The following VPS13A variants were observed in gnomAD, a reference collection of about 807,000 sequenced individuals.
The protein encoded by VPS13A is vacuolar protein sorting 13 homolog A, also known as intermembrane lipid transfer protein VPS13A.
VPS13A carries 264 observed loss-of-function variants against 390.9 expected under a neutral mutation model. The observed-to-expected ratio is 0.68, with a 90% CI of 0.61 to 0.75. The LOEUF is 0.75. VPS13A is among the 30% of genes least tolerant of loss of function. The pLI is 0.00. For synonymous variants in VPS13A, 1,231 were observed against 1,227.1 expected (o/e 1.00, Z -0.07); for missense variants, 3,409 against 3,733.9 (o/e 0.91, Z 2.27).
chr9:77,302,619 C>T (rs1021958828), intron 33 of VPS13A, among the ~76,000 whole-genome samples: 3 of 151,900 alleles, frequency 2.0e-5, no homozygotes, highest in African/African-American at 4.8e-5. Context: ...GTGATCTGCC[C>T]GCCTCAGCCT....
At chr9:77,362,055 GA>G (rs1832173261) in intron 59 of VPS13A, among the ~76,000 whole-genome samples, 1 of 152,046 alleles carries the variant, frequency 6.6e-6, no homozygotes, top group East Asian at 1.9e-4. Context: ...GCATATTCTC[GA>G]TACAGGTCTC....
rs1369682259 is a variant in VPS13A at position 77,282,168 on chromosome 9, G to A, written c.3012G>A (p.Leu1004=). The A allele has an allele frequency of 6.2e-7, 1 of 1,613,400 alleles. No homozygotes were observed. The highest frequency in any genetic ancestry group is 8.5e-7 in the Non-Finnish European group (1 of 1,179,646). The change falls in exon 29 of 72, where the codon CTG becomes CTA. Residue 1004 remains leucine (L), a synonymous_variant. Coordinates refer to ENST00000360280, the MANE Select transcript of VPS13A (RefSeq NM_033305.3). ...TTCATTTACACACTGAAGCACTTCT[G>A]AATACAATAAATTATCTTCATAATA... ...LDIHLHTEAL[L]NTINYLHNIL...
At chr9:77,212,780 G>T (rs1457719431) in intron 7 of VPS13A, among the ~76,000 whole-genome samples, 189 bp from the exon 8 acceptor site, 1 of 152,098 alleles carries the variant, frequency 6.6e-6, no homozygotes, top group African/African-American at 2.4e-5. Context: ...TTTCTGACCC[G>T]CAATGAGCTC....
rs1826057136 is a variant in VPS13A at position 77,213,040 on chromosome 9, C to A, written c.615+12C>A. On this transcript the variant is annotated intron_variant, in intron 8 of 71. Transcript: ENST00000360280. Reference sequence around the variant, plus strand: ...AACTGGTTCGTAAGGTAAATAAATACTGTGTTTGTCAACTCATGGACTTAA... The same window carrying A: ...AACTGGTTCGTAAGGTAAATAAATAATGTGTTTGTCAACTCATGGACTTAA... 1 of 1,613,382 alleles carries A rather than the reference C, an allele frequency of 6.2e-7. No individual in the cohort carries two copies. The highest frequency in any genetic ancestry group is 1.3e-5 in the African/African-American group (1 of 74,858).
At chr9:77,202,498 CATA>C (rs1304522571) in intron 3 of VPS13A, among the ~76,000 whole-genome samples, 1 of 151,904 alleles carries the variant, frequency 6.6e-6, no homozygotes, top group Non-Finnish European at 1.5e-5. Context: ...TATTCTGTAC[CATA>C]ATAATCCAGT....
chr9:77,260,577 G>A (rs1269462788), intron 23 of VPS13A, among the ~76,000 whole-genome samples: 1 of 151,632 alleles, frequency 6.6e-6, no homozygotes, highest in Non-Finnish European at 1.5e-5. Context: ...GGATGGTCTC[G>A]GTCTCCTGGT....
At chr9:77,203,570 G>A (rs1292530920) in intron 3 of VPS13A, among the ~76,000 whole-genome samples, 1 of 152,160 alleles carries the variant, frequency 6.6e-6, no homozygotes, top group African/African-American at 2.4e-5. Context: ...TTACAGATGT[G>A]AGCCACTGCG....
intron 32 of VPS13A, among the ~76,000 whole-genome samples, chr9:77,294,122 TGTTGCCCAGTCTG>T (rs1340615208): frequency 6.6e-6 from 1 of 152,098 alleles, no homozygotes; most frequent in East Asian, 1.9e-4. Flanking sequence ...GGTCTTACTC[TGTTGCCCAGTCTG>T]GTCTTGAACT....
At chr9:77,371,228 G>A in intron 67 of VPS13A, 79 bp downstream of exon 67, 1 of 1,589,524 alleles carries the variant, frequency 6.3e-7, no homozygotes, top group Non-Finnish European at 8.6e-7. Flanking sequence ...TTTGGCTTCA[G>A]GCATTTAGTT....
Position 77,295,659 on chromosome 9 carries a change from C to T in VPS13A, c.3625C>T (p.Leu1209=), listed in dbSNP as rs1245565753. Residue 1209 remains leucine (L), a synonymous_variant, in exon 33 of 72, where the codon CTG becomes TTG. Transcript: ENST00000360280. The part of the protein sequence containing the change: ...ELAQRSSRMA[L]DINIKAPVVV... ...CGCACAAAGGAGTTCCAGAATGGCACTGGATATTAACATCAAAGCCCCAGT... is the reference window on the plus strand; with the variant it reads ...CGCACAAAGGAGTTCCAGAATGGCATTGGATATTAACATCAAAGCCCCAGT... The T allele has an allele frequency of 1.9e-6, 3 of 1,613,862 alleles. No individual in the cohort carries two copies. The African/African-American group carries it at 4.0e-5, about 22-fold the overall frequency.
intron 17 of VPS13A, 58 bp downstream of exon 17, chr9:77,228,322 A>G: frequency 6.8e-7 from 1 of 1,460,514 alleles, no homozygotes; most frequent in Non-Finnish European, 9.3e-7. Flanking sequence ...GTGTTCTTAG[A>G]CATTAGGTCA....
chr9:77,364,083 T>C (rs567540747), intron 59 of VPS13A, among the ~76,000 whole-genome samples: 80 of 152,164 alleles, frequency 5.3e-4, no homozygotes, highest in African/African-American at 1.9e-3. Context: ...TTCTCAGTGG[T>C]ACTGTACCCA....
In VPS13A at chr9:77,235,621, G is replaced by C. The variant is rs1273486793; in HGVS notation, c.1596-2381G>C. Among the ~76,000 whole-genome samples the C allele has an allele frequency of 2.0e-5, 3 of 152,158 alleles. No individual in the cohort carries two copies. The East Asian group carries it at 5.8e-4, about 29-fold the overall frequency. Reference sequence around the variant, plus strand: ...AAGTTTTTGGCCATTATTTCTCCCAGTATTTTTAATGTCTTTTTCTTTTTC... The same window carrying C: ...AAGTTTTTGGCCATTATTTCTCCCACTATTTTTAATGTCTTTTTCTTTTTC... On this transcript the variant is annotated intron_variant, in intron 17 of 71. Transcript: ENST00000360280.
At chr9:77,240,226 G>A (rs1824395289) in intron 19 of VPS13A, among the ~76,000 whole-genome samples, 1 of 150,876 alleles carries the variant, frequency 6.6e-6, no homozygotes, top group Non-Finnish European at 1.5e-5. Context: ...GGGATTACAG[G>A]CACCCACCAC....
At chr9:77,245,345 A>G (rs1459480199) in intron 19 of VPS13A, among the ~76,000 whole-genome samples, 1 of 152,226 alleles carries the variant, frequency 6.6e-6, no homozygotes, top group Non-Finnish European at 1.5e-5. Context: ...AGATAGAGAA[A>G]TGCTTAACAG....
intron 16 of VPS13A, 28 bp downstream of exon 16, chr9:77,227,513 A>G (rs377323662): frequency 2.4e-5 from 35 of 1,486,496 alleles, no homozygotes; most frequent in Middle Eastern, 3.4e-4. Context: ...CTTATACCTT[A>G]GAATATATTT....
chr9:77,319,721 A>G, intron 42 of VPS13A, 48 bp downstream of exon 42: 2 of 1,043,378 alleles, frequency 1.9e-6, no homozygotes, highest in Non-Finnish European at 1.4e-6. Context: ...TATGTATTTT[A>G]AAAGACTTTA....
chr9:77,223,725 G>A (rs1344504616), intron 13 of VPS13A, among the ~76,000 whole-genome samples: 3 of 151,252 alleles, frequency 2.0e-5, no homozygotes, highest in East Asian at 3.9e-4. Context: ...TATAACAAAA[G>A]TATAAGGCAA....
At position 77,276,187 on chromosome 9, in the gene VPS13A, G is replaced by A. The variant is rs779217708; in HGVS notation, c.2790G>A (p.Leu930=). The A allele has an allele frequency of 1.2e-6, 2 of 1,609,420 alleles. No homozygotes were observed. Among genetic ancestry groups the A allele is most frequent in the South Asian group, 2.2e-5 (2 of 89,568 alleles). ...RTYDLKANAF[L]KEFCLKCPEY... is the part of the protein sequence containing the mutation. ...ACGATTTGAAAGCAAATGCCTTTTT[G>A]AAAGAGTTCTGCTTAAAATGCCCAG... Residue 930 remains leucine, a synonymous_variant, in exon 26 of 72, where the codon TTG becomes TTA. Coordinates refer to ENST00000360280, the MANE Select transcript of VPS13A (RefSeq NM_033305.3).
Sources: gnomAD v4.1 joint callset for allele counts (sites outside exome capture counted in the v4.1 genomes callset) on GRCh38, gnomAD v4.1.1 for gene constraint, MANE v1.5 for transcripts, NCBI Gene and HGNC (gene_info 2026-07-23, HGNC 2026-07-21) for gene names.